The following EDEM3 variants were observed in gnomAD, a reference collection of about 807,000 sequenced individuals.
The protein encoded by EDEM3 is ER degradation enhancing alpha-mannosidase like protein 3.
EDEM3 carries 60 observed loss-of-function variants against 110.2 expected under a neutral mutation model. The observed-to-expected ratio is 0.54, with a 90% CI of 0.44 to 0.67. EDEM3 has a LOEUF of 0.67. Ranked by LOEUF, EDEM3 falls within the 30% of genes least tolerant of loss-of-function variation. The probability of loss-of-function intolerance (pLI) is 0.00; values close to 1 mark genes in which losing one functional copy is unlikely to be tolerated. For missense variants in EDEM3, 996 were observed against 1,121.0 expected (o/e 0.89, Z 1.59); for synonymous variants, 352 against 382.9 (o/e 0.92, Z 0.94).
chr1:184,748,316 A>G (rs951617520), intron 2 of EDEM3, among the ~76,000 whole-genome samples: 4 of 151,948 alleles, frequency 2.6e-5, no homozygotes, highest in Non-Finnish European at 5.9e-5. Flanking sequence ...GCATGGTGGC[A>G]CACACCTGTA....
At chr1:184,749,502 AATC>A (rs1381372190) in intron 2 of EDEM3, 42 bp downstream of exon 2, 6 of 1,387,748 alleles carry the variant, frequency 4.3e-6, no homozygotes, top group Non-Finnish European at 6.0e-6. Context: ...CTCACATAAT[AATC>A]AACTCACATA....
intron 16 of EDEM3, 115 bp downstream of exon 16, chr1:184,710,278 CT>C: frequency 7.8e-7 from 1 of 1,290,010 alleles, no homozygotes; most frequent in Middle Eastern, 2.0e-4. Flanking sequence ...CATTCTCTCA[CT>C]TTAAACAGTA....
chr1:184,721,066 A>T (rs1247877226), intron 9 of EDEM3: 1 of 409,740 alleles, frequency 2.4e-6, no homozygotes, highest in African/African-American at 2.1e-5. Flanking sequence ...AGATCTGCAA[A>T]GTTTCTGATA....
chr1:184,736,155 A>C (rs535748081), intron 4 of EDEM3, among the ~76,000 whole-genome samples: 1 of 152,306 alleles, frequency 6.6e-6, no homozygotes, highest in South Asian at 2.1e-4. Context: ...GTCCCACTCC[A>C]CAACAACTGA....
At chr1:184,723,949 G>A (rs1472189746) in intron 7 of EDEM3, 93 bp from the exon 8 acceptor site, 7 of 860,784 alleles carry the variant, frequency 8.1e-6, no homozygotes. Context: ...AAAACTCAAA[G>A]GCCGATAGGA....
intron 19 of EDEM3, among the ~76,000 whole-genome samples, chr1:184,699,984 T>G (rs536031254): frequency 6.6e-6 from 1 of 152,064 alleles, no homozygotes; most frequent in African/African-American, 2.4e-5. Flanking sequence ...GTTGGAATAA[T>G]TAAGTACCTT....
rs114740782 is a variant in EDEM3, at chr1:184,715,596, A to C, written c.1370+1292T>G. On this transcript the variant is annotated intron_variant, in intron 13 of 19. Transcript: ENST00000318130. ...TCTGCCTAGATTAGAATTCTGACTTAATCTTACTAACTGTGTGACCTTAGG... is the reference window on the plus strand; with the variant it reads ...TCTGCCTAGATTAGAATTCTGACTTCATCTTACTAACTGTGTGACCTTAGG... Among the ~76,000 whole-genome samples the C allele has an allele frequency of 2.9e-3, 435 of 152,242 alleles. 5 individuals are homozygous for C. In the East Asian group the frequency reaches 0.036, roughly 12 times the overall value.
rs1423840010 is a variant in EDEM3 at position 184,694,399 on chromosome 1, T to G, written c.2463A>C (p.Ser821=). 1 of 1,612,132 alleles carries G rather than the reference T, an allele frequency of 6.2e-7. No individual in the cohort carries two copies. The highest frequency in any genetic ancestry group is 1.3e-5 in the African/African-American group (1 of 74,872). ...CCAAATCAACCTCCTGAGAACTTGATGAAATCTGTTCACCACTCTGATTCT... is the reference window on the plus strand; with the variant it reads ...CCAAATCAACCTCCTGAGAACTTGAGGAAATCTGTTCACCACTCTGATTCT... The part of the protein sequence containing the change: ...DSQNQSGEQI[S]SSSQEVDLVD... Residue 821 remains serine (S), a synonymous_variant, in exon 20 of 20, where the codon TCA becomes TCC. Coordinates refer to ENST00000318130, the MANE Select transcript of EDEM3 (RefSeq NM_025191.4).
rs1650757193 is a variant in EDEM3, at chr1:184,719,524, T to C, written c.996A>G (p.Leu332=). ...IMRYISQPPL[L]LDVHIHKPML... is the part of the protein sequence containing the mutation. ...TTGGTTTGTGGATATGCACATCAAG[T>C]AGAAGAGGTGGCTGGCTAATATACC... The change falls in exon 10 of 20, where the codon CTA becomes CTG. Residue 332 remains leucine (L), a synonymous_variant. Transcript: ENST00000318130. 4 of 1,613,936 alleles carry C rather than the reference T, an allele frequency of 2.5e-6. No homozygotes were observed. Among genetic ancestry groups the C allele is most frequent in the Middle Eastern group, 1.7e-4 (1 of 6,060 alleles).
chr1:184,710,543 C>G lies in EDEM3; in HGVS notation c.1696G>C (p.Glu566Gln). 6.2e-7 allele frequency: 1 copy of G among 1,608,544 alleles called. No individual in the cohort carries two copies. Among genetic ancestry groups the G allele is most frequent in the African/African-American group, 1.3e-5 (1 of 74,802 alleles). Residue 566 changes from glutamate (E) to glutamine (Q), a missense_variant, in exon 16 of 20, where the codon GAG becomes CAG. By Grantham distance (29) the Glu-to-Gln change is conservative. Coordinates refer to ENST00000318130, the MANE Select transcript of EDEM3 (RefSeq NM_025191.4). ...SCPRGIIRVEESFRSGAKPPL... is the reference protein window; with the variant it reads ...SCPRGIIRVEQSFRSGAKPPL... ...GGTTTAGCTCCACTCCTGAAACTCT[C>G]CTCTCTGCTAAAAGTAATTACAGGC...
In EDEM3 at chr1:184,719,550, T is replaced by A; in HGVS notation, c.970A>T (p.Arg324Trp). 6.2e-7 allele frequency: 1 copy of A among 1,613,852 alleles called. No homozygotes were observed. Among genetic ancestry groups the A allele is most frequent in the South Asian group, 1.1e-5 (1 of 91,018 alleles). The stretch of plus-strand genomic sequence containing the variant: ...AGAAGAGGTGGCTGGCTAATATACC[T>A]CATTATGGCATCATAGTGCTAAAAG... ...RFNTHYDAIM[R>W]YISQPPLLLD... Residue 324 changes from arginine (R) to tryptophan (W), a missense_variant, in exon 10 of 20, where the codon AGG (arginine) becomes TGG (tryptophan). This residue lies in a region of EDEM3 where 310 missense variants were observed against 394.6 expected (regional missense o/e 0.79). Coordinates refer to ENST00000318130, the MANE Select transcript of EDEM3 (RefSeq NM_025191.4).
At chr1:184,736,796 C>T (rs12083577) in intron 4 of EDEM3, among the ~76,000 whole-genome samples, 201 of 152,260 alleles carry the variant, frequency 1.3e-3, no homozygotes, top group African/African-American at 4.7e-3. Flanking sequence ...AATTAAGGTG[C>T]CATTACATAA....
In EDEM3 at chr1:184,719,499, T is replaced by C. The variant is rs1353561751; in HGVS notation, c.1021A>G (p.Met341Val). 2 of 1,613,938 alleles carry C rather than the reference T, an allele frequency of 1.2e-6. No individual in the cohort carries two copies. The highest frequency in any genetic ancestry group is 1.3e-5 in the African/African-American group (1 of 74,980). The change falls in exon 10 of 20, where the codon ATG (methionine) becomes GTG (valine). Residue 341 changes from methionine (M) to valine (V), a missense_variant. Met to Val is a conservative substitution (Grantham distance 21). This residue lies in a region of EDEM3 where 310 missense variants were observed against 394.6 expected (regional missense o/e 0.79). Coordinates refer to ENST00000318130, the MANE Select transcript of EDEM3 (RefSeq NM_025191.4). Reference protein sequence around the residue: ...LLLDVHIHKPMLNARTWMDAL... With the variant: ...LLLDVHIHKPVLNARTWMDAL... ...TCCATCCAAGTCCGAGCATTCAGCA[T>C]TGGTTTGTGGATATGCACATCAAGT... is the stretch of plus-strand genomic sequence containing the variant.
intron 13 of EDEM3, among the ~76,000 whole-genome samples, chr1:184,713,776 A>G (rs933649027): frequency 2.6e-5 from 4 of 152,224 alleles, no homozygotes; most frequent in Non-Finnish European, 4.4e-5. Flanking sequence ...CCATGGGGAT[A>G]TTATATAAGG....
At chr1:184,698,281 A>G (rs1288605609) in intron 19 of EDEM3, among the ~76,000 whole-genome samples, 9 of 151,908 alleles carry the variant, frequency 5.9e-5, no homozygotes, top group African/African-American at 2.2e-4. Context: ...GTAAATCTCA[A>G]TATTCTAGAA....
At chr1:184,728,821 G>A (rs1293352015) in intron 6 of EDEM3, among the ~76,000 whole-genome samples, 3 of 152,194 alleles carry the variant, frequency 2.0e-5, no homozygotes, top group African/African-American at 7.2e-5. Context: ...TGTTGGTGAA[G>A]ATGGTCTCGA....
chr1:184,699,993 T>C (rs1368369590), intron 19 of EDEM3, among the ~76,000 whole-genome samples: 1 of 151,964 alleles, frequency 6.6e-6, no homozygotes, highest in Non-Finnish European at 1.5e-5. Context: ...ATTAAGTACC[T>C]TTACAAACTG....
At chr1:184,719,839 T>A (rs1221684659) in intron 9 of EDEM3, among the ~76,000 whole-genome samples, 1 of 152,260 alleles carries the variant, frequency 6.6e-6, no homozygotes, top group African/African-American at 2.4e-5. Flanking sequence ...AACATCTCTA[T>A]GCCCTGTGGC....
In EDEM3 at chr1:184,711,770, G is replaced by T; in HGVS notation, c.1644C>A (p.Pro548=). ...DPLYAQSIRE[P]LKNVVDKSCP... ...AGCTCTTATCCACCACATTTTTCAA[G>T]GGCTCACGAATACTTTGAGCATACA... The change falls in exon 15 of 20, where the codon CCC becomes CCA. Residue 548 remains proline (P), a synonymous_variant. Coordinates refer to ENST00000318130, the MANE Select transcript of EDEM3 (RefSeq NM_025191.4). 1.2e-6 allele frequency: 2 copies of T among 1,613,102 alleles called. No individual in the cohort carries two copies. Among genetic ancestry groups the T allele is most frequent in the Non-Finnish European group, 8.5e-7 (1 of 1,179,494 alleles).
Sources: allele counts gnomAD v4.1 joint callset (sites outside exome capture counted in the v4.1 genomes callset), GRCh38; gene constraint gnomAD v4.1.1; regional missense constraint gnomAD v4.1.1; transcripts MANE v1.5; gene names NCBI Gene and HGNC (gene_info 2026-07-23, HGNC 2026-07-21).